The following PDE8A variants were observed in gnomAD, a reference collection of about 807,000 sequenced individuals.
The protein encoded by PDE8A is high affinity cAMP-specific and IBMX-insensitive 3',5'-cyclic phosphodiesterase 8A.
In PDE8A, 59 loss-of-function variants were observed where a neutral mutation model predicts 105.0. The ratio of observed to expected loss-of-function variants is 0.56; its 90% CI spans 0.46 to 0.70. The LOEUF (loss-of-function observed/expected upper bound fraction) is 0.70. PDE8A is among the 30% of genes least tolerant of loss of function. The pLI, the probability that PDE8A is intolerant of heterozygous loss-of-function variation, is 0.00. For synonymous variants in PDE8A, 355 were observed against 371.9 expected (o/e 0.95, Z 0.52); for missense variants, 1,014 against 1,045.9 (o/e 0.97, Z 0.42).
intron 1 of PDE8A, among the ~76,000 whole-genome samples, chr15:85,051,534 T>A (rs980525077): frequency 6.6e-6 from 1 of 152,152 alleles, no homozygotes; most frequent in African/African-American, 2.4e-5. Flanking sequence ...TAGGTAAATG[T>A]GTGCCATGGT....
chr15:85,015,173 C>T (rs987592446), intron 1 of PDE8A, among the ~76,000 whole-genome samples: 4 of 152,102 alleles, frequency 2.6e-5, no homozygotes, highest in African/African-American at 9.7e-5. Context: ...CTTAGCTAAC[C>T]AGCTCATGTT....
Position 85,081,174 on chromosome 15 carries a change from T to G in PDE8A, c.547-2382T>G, listed in dbSNP as rs374234252. 9.2e-5 allele frequency among the ~76,000 whole-genome samples: 14 copies of G among 152,280 alleles called. No individual in the cohort carries two copies. The East Asian group carries it at 1.9e-3, about 21-fold the overall frequency. On this transcript the variant is annotated intron_variant, in intron 5 of 21. Transcript: ENST00000394553. ...TCTGAAAGCTAACACCATAATGATA[T>G]CTCTGGTACAGGGGATGGGGCATAG...
intron 1 of PDE8A, among the ~76,000 whole-genome samples, chr15:85,033,206 G>C (rs150022199): frequency 1.3e-5 from 2 of 152,166 alleles, no homozygotes; most frequent in Non-Finnish European, 2.9e-5. Flanking sequence ...ATTTTCCAAC[G>C]TAAGGGACAC....
chr15:85,113,498 C>T (rs904879919), intron 13 of PDE8A, 51 bp downstream of exon 13: 13 of 1,426,060 alleles, frequency 9.1e-6, no homozygotes, highest in Non-Finnish European at 1.3e-5. Context: ...TCCTTGTTCT[C>T]CCCAAGGATC....
At chr15:85,068,814 G>A (rs2081270375) in intron 3 of PDE8A, among the ~76,000 whole-genome samples, 1 of 152,148 alleles carries the variant, frequency 6.6e-6, no homozygotes, top group African/African-American at 2.4e-5. Context: ...ACTTTTAAAG[G>A]TGACTACTAG....
chr15:85,041,635 T>C (rs184494607), intron 1 of PDE8A, among the ~76,000 whole-genome samples: 21 of 152,326 alleles, frequency 1.4e-4, no homozygotes, highest in Admixed American at 3.9e-4. Context: ...TTTTTTCTTA[T>C]ATAAACACCA....
intron 1 of PDE8A, among the ~76,000 whole-genome samples, chr15:85,023,618 A>G (rs1768732978): frequency 6.6e-6 from 1 of 152,206 alleles, no homozygotes; most frequent in South Asian, 2.1e-4. Context: ...TGCTAGCAGC[A>G]TAGGAATATT....
chr15:85,059,924 C>G (rs773919984), intron 1 of PDE8A, among the ~76,000 whole-genome samples: 1 of 152,188 alleles, frequency 6.6e-6, no homozygotes, highest in Non-Finnish European at 1.5e-5. Flanking sequence ...GGGACGATCT[C>G]TTGAGCCCAG....
intron 17 of PDE8A, among the ~76,000 whole-genome samples, chr15:85,119,468 C>CAGAAAAAAAAAAAAAAAAAA (rs2082145897): frequency 1.7e-5 from 1 of 58,574 alleles, no homozygotes; most frequent in South Asian, 8.0e-4. Flanking sequence ...ACTCTCGTCT[C>CAGAAAAAAAAAAAAAAAAAA]AAAAAAAAAA....
chr15:85,004,531 C>G (rs1040244665), intron 1 of PDE8A, among the ~76,000 whole-genome samples: 2 of 152,222 alleles, frequency 1.3e-5, no homozygotes, highest in South Asian at 4.1e-4. Flanking sequence ...TTTCCTGAAG[C>G]TCGCAAGAGC....
chr15:85,020,604 CAAACA>C (rs1313090226), intron 1 of PDE8A, among the ~76,000 whole-genome samples: 1 of 152,132 alleles, frequency 6.6e-6, no homozygotes, highest in African/African-American at 2.4e-5. Flanking sequence ...TCAAAACAAA[CAAACA>C]AAACAACAAC....
At chr15:85,084,473 A>G (rs2081517799) in intron 6 of PDE8A, among the ~76,000 whole-genome samples, 1 of 152,172 alleles carries the variant, frequency 6.6e-6, no homozygotes, top group Non-Finnish European at 1.5e-5. Flanking sequence ...ACGCTGCTAG[A>G]TTTTGCAAGG....
chr15:85,121,581 G>A lies in PDE8A; in HGVS notation c.1952+567G>A, dbSNP rs374221546. Among the ~76,000 whole-genome samples, 7 of 151,798 alleles carry A rather than the reference G, an allele frequency of 4.6e-5. No homozygotes were observed. In the East Asian group the frequency reaches 9.7e-4, roughly 21 times the overall value. ...AGGGTCATATGTCACTGTGCCCTCG[G>A]TGCCCTCAGTGCCACAGTGCTTGGT... is the stretch of plus-strand genomic sequence containing the variant. On this transcript the variant is annotated intron_variant, in intron 18 of 21. Coordinates refer to ENST00000394553, the MANE Select transcript of PDE8A (RefSeq NM_002605.3).
intron 1 of PDE8A, among the ~76,000 whole-genome samples, chr15:85,033,245 T>G (rs2080645849): frequency 6.6e-6 from 1 of 152,150 alleles, no homozygotes; most frequent in Non-Finnish European, 1.5e-5. Flanking sequence ...AAATGCTTCA[T>G]TTGAAATAGT....
intron 3 of PDE8A, among the ~76,000 whole-genome samples, chr15:85,074,048 G>A (rs1318490937): frequency 6.6e-6 from 1 of 152,208 alleles, no homozygotes; most frequent in Non-Finnish European, 1.5e-5. Context: ...GGAGTACAGA[G>A]TGAACACAGA....
intron 2 of PDE8A, 98 bp downstream of exon 2, chr15:85,064,524 G>T: frequency 2.6e-6 from 2 of 757,866 alleles, no homozygotes; most frequent in Non-Finnish European, 4.6e-6. Flanking sequence ...CTTTCATTTA[G>T]ATAATAGTGT....
chr15:85,090,046 G>A (rs1351782484), intron 7 of PDE8A, among the ~76,000 whole-genome samples: 1 of 152,098 alleles, frequency 6.6e-6, no homozygotes, highest in Admixed American at 6.6e-5. Context: ...CTTACTTCTG[G>A]GCTCTCCAGT....
At chr15:84,992,389 A>G (rs2079900107) in intron 1 of PDE8A, among the ~76,000 whole-genome samples, 1 of 152,154 alleles carries the variant, frequency 6.6e-6, no homozygotes, top group South Asian at 2.1e-4. Flanking sequence ...GGTTGGGTGC[A>G]TGTTCCAATT....
chr15:85,004,141 C>G (rs971039268), intron 1 of PDE8A, among the ~76,000 whole-genome samples: 1 of 152,228 alleles, frequency 6.6e-6, no homozygotes, highest in Non-Finnish European at 1.5e-5. Context: ...GCAAGCCAGC[C>G]TCTGCCACAG....
Sources: gnomAD v4.1 joint callset for allele counts (sites outside exome capture counted in the v4.1 genomes callset) on GRCh38, gnomAD v4.1.1 for gene constraint, MANE v1.5 for transcripts, NCBI Gene and HGNC (gene_info 2026-07-23, HGNC 2026-07-21) for gene names.